TCF12: variants seen among roughly 807,000 people sequenced by gnomAD.
TCF12 encodes DNA-binding protein HTF4.
TCF12 carries 45 observed loss-of-function variants against 86.0 expected under a neutral mutation model. The observed-to-expected ratio is 0.52, with a 90% CI of 0.41 to 0.67. TCF12 has a LOEUF of 0.67. TCF12 is among the 30% of genes least tolerant of loss of function. The pLI is 0.00. For synonymous variants in TCF12, 330 were observed against 299.6 expected, an observed-to-expected ratio of 1.10 and a Z score of -1.05; for missense variants, 881 against 859.9, an observed-to-expected ratio of 1.02 and a Z score of -0.31.
At chr15:57,023,771 G>C (rs542299816) in intron 3 of TCF12, among the ~76,000 whole-genome samples, 1 of 152,282 alleles carries the variant, frequency 6.6e-6, no homozygotes, top group South Asian at 2.1e-4. Context: ...TTTTGTTATA[G>C]TTTAAAGGTG....
chr15:57,084,026 A>C (rs915575009), intron 4 of TCF12, among the ~76,000 whole-genome samples: 1 of 152,130 alleles, frequency 6.6e-6, no homozygotes, highest in African/African-American at 2.4e-5. Context: ...ATGTAAGAAC[A>C]TGGTTTTGCT....
chr15:56,962,124 C>G (rs1367963074), intron 3 of TCF12, among the ~76,000 whole-genome samples: 1 of 128,002 alleles, frequency 7.8e-6, no homozygotes, highest in Non-Finnish European at 1.6e-5. Context: ...CAGAGCGAGA[C>G]TCCGTCTCAA....
At chr15:57,019,091 A>G (rs1391690315) in intron 3 of TCF12, among the ~76,000 whole-genome samples, 1 of 152,212 alleles carries the variant, frequency 6.6e-6, no homozygotes, top group African/African-American at 2.4e-5. Flanking sequence ...TTGGTAGAAA[A>G]GAGTTTTTAG....
At chr15:57,275,974 A>G (rs1475824133) in intron 19 of TCF12, among the ~76,000 whole-genome samples, 1 of 152,142 alleles carries the variant, frequency 6.6e-6, no homozygotes, top group Non-Finnish European at 1.5e-5. Flanking sequence ...TTCCATTATC[A>G]TGACTACAAC....
intron 3 of TCF12, among the ~76,000 whole-genome samples, chr15:57,038,320 CAG>C (rs1486237749): frequency 6.6e-6 from 1 of 151,854 alleles, no homozygotes; most frequent in Non-Finnish European, 1.5e-5. Context: ...CCAAGCTACT[CAG>C]GGGGCTGAGA....
intron 3 of TCF12, among the ~76,000 whole-genome samples, chr15:56,926,701 T>C (rs1410561160): frequency 1.3e-5 from 2 of 152,246 alleles, no homozygotes; most frequent in Non-Finnish European, 2.9e-5. Context: ...TATTATTATC[T>C]GGAGCTGGAC....
intron 3 of TCF12, among the ~76,000 whole-genome samples, chr15:56,926,243 G>A (rs1207983367): frequency 6.6e-6 from 1 of 151,630 alleles, no homozygotes; most frequent in Non-Finnish European, 1.5e-5. Flanking sequence ...AACCCAGGAG[G>A]CAGAGGTTAC....
chr15:57,207,098 C>G (rs1358537549), intron 8 of TCF12, among the ~76,000 whole-genome samples: 2 of 151,868 alleles, frequency 1.3e-5, no homozygotes, highest in Admixed American at 1.3e-4. Flanking sequence ...CAGAACAAGA[C>G]CCTGTCCCCA....
At chr15:57,148,152 G>A (rs999670865) in intron 5 of TCF12, among the ~76,000 whole-genome samples, 4 of 151,906 alleles carry the variant, frequency 2.6e-5, no homozygotes, top group Non-Finnish European at 5.9e-5. Context: ...CCAAAGTGCT[G>A]GGATTACAGG....
intron 3 of TCF12, among the ~76,000 whole-genome samples, chr15:57,039,943 C>T (rs1373627947): frequency 6.6e-6 from 1 of 152,168 alleles, no homozygotes; most frequent in African/African-American, 2.4e-5. Context: ...AACTGTATTA[C>T]TCTTTGATCT....
chr15:57,164,053 G>C (rs947087198), intron 5 of TCF12, among the ~76,000 whole-genome samples: 2 of 152,172 alleles, frequency 1.3e-5, no homozygotes, highest in African/African-American at 4.8e-5. Context: ...GAGAGACCTT[G>C]AGGCTGCTGC....
chr15:57,208,816 G>A (rs1042462332), intron 8 of TCF12, among the ~76,000 whole-genome samples: 54 of 151,650 alleles, frequency 3.6e-4, no homozygotes, highest in African/African-American at 1.2e-3. Context: ...CAAGCAGAGA[G>A]GCAGTCCTCC....
intron 19 of TCF12, among the ~76,000 whole-genome samples, chr15:57,277,747 C>G (rs1030176674): frequency 4.6e-5 from 7 of 151,080 alleles, no homozygotes; most frequent in African/African-American, 1.7e-4. Flanking sequence ...TTGAGACCAG[C>G]CTGAGCAACA....
intron 5 of TCF12, among the ~76,000 whole-genome samples, chr15:57,123,596 C>T (rs111850193): frequency 0.042 from 6,419 of 151,760 alleles, 380 homozygotes; most frequent in African/African-American, 0.14. Flanking sequence ...TCACTGCAAC[C>T]TCAGCCTCCT....
chr15:57,096,054 G>A (rs1223603557), intron 5 of TCF12, among the ~76,000 whole-genome samples: 5 of 152,138 alleles, frequency 3.3e-5, no homozygotes, highest in African/African-American at 1.2e-4. Context: ...CTGTTTAGGT[G>A]TTTAAGATAC....
At chr15:57,147,485 GCATTTT>G (rs2053437916) in intron 5 of TCF12, among the ~76,000 whole-genome samples, 1 of 151,704 alleles carries the variant, frequency 6.6e-6, no homozygotes, top group East Asian at 1.9e-4. Context: ...ATATTTTAAA[GCATTTT>G]ATACTTTTTT....
chr15:57,125,551 C>G (rs2051583566), intron 5 of TCF12, among the ~76,000 whole-genome samples: 1 of 152,202 alleles, frequency 6.6e-6, no homozygotes, highest in Non-Finnish European at 1.5e-5. Context: ...AGATACCAGA[C>G]AAGCCAACAA....
At chr15:57,185,100 CATT>C (rs1377846083) in intron 6 of TCF12, among the ~76,000 whole-genome samples, 6 of 152,266 alleles carry the variant, frequency 3.9e-5, no homozygotes, top group African/African-American at 1.2e-4. Context: ...TTCATATTCA[CATT>C]ATATTGCCTG....
intron 3 of TCF12, among the ~76,000 whole-genome samples, chr15:57,052,524 C>T (rs1037929788): frequency 1.6e-4 from 24 of 151,466 alleles, no homozygotes; most frequent in Non-Finnish European, 2.9e-5. Flanking sequence ...GTAATCCCAG[C>T]TACTCGGGAG....
Sources: allele counts gnomAD v4.1 joint callset (sites outside exome capture counted in the v4.1 genomes callset), GRCh38; gene constraint gnomAD v4.1.1; transcripts MANE v1.5; gene names NCBI Gene and HGNC (gene_info 2026-07-23, HGNC 2026-07-21).